Variants in LEKR1 observed in about 807,000 individuals in gnomAD.
The protein encoded by LEKR1 is protein LEKR1.
In LEKR1, 59 loss-of-function variants were observed where a neutral mutation model predicts 72.4. That is an observed-to-expected ratio of 0.82 (90% CI 0.66 to 1.01). The LOEUF (loss-of-function observed/expected upper bound fraction) is 1.01. Among genes scored for constraint, LEKR1 ranks in the 50% least tolerant of loss-of-function variants. The pLI is 0.00. For missense variants in LEKR1, 728 were observed against 759.2 expected (o/e 0.96, Z 0.48); for synonymous variants, 257 against 263.2 (o/e 0.98, Z 0.23).
At chr3:156,862,356 T>C (rs1716870036) in intron 3 of LEKR1, among the ~76,000 whole-genome samples, 1 of 152,114 alleles carries the variant, frequency 6.6e-6, no homozygotes, top group Non-Finnish European at 1.5e-5. Flanking sequence ...ATAATTTTTA[T>C]TGGCATAAAC....
intron 3 of LEKR1, among the ~76,000 whole-genome samples, chr3:156,909,635 G>T (rs188485607): frequency 3.0e-5 from 4 of 131,994 alleles, no homozygotes; most frequent in African/African-American, 1.2e-4. Flanking sequence ...TGGGAGAGGC[G>T]ACAGAGTGAG....
intron 4 of LEKR1, 55 bp from the exon 5 acceptor site, chr3:156,927,374 A>G: frequency 1.4e-6 from 1 of 703,388 alleles, no homozygotes; most frequent in Non-Finnish European, 1.9e-6. Flanking sequence ...TTTTGAAGAA[A>G]TGTTTGTTAT....
chr3:157,020,491 G>A (rs1206998744), intron 10 of LEKR1, among the ~76,000 whole-genome samples: 16 of 132,876 alleles, frequency 1.2e-4, no homozygotes, highest in East Asian at 2.2e-4. Context: ...ATGTGTTCTC[G>A]TTGTTCAATT....
chr3:156,989,637 T>A (rs1730989450), intron 7 of LEKR1, among the ~76,000 whole-genome samples: 1 of 152,228 alleles, frequency 6.6e-6, no homozygotes, highest in East Asian at 1.9e-4. Context: ...CTATTTCTTC[T>A]TTTCTAATGT....
chr3:156,878,161 G>T (rs1336050529), intron 3 of LEKR1, among the ~76,000 whole-genome samples: 1 of 150,266 alleles, frequency 6.7e-6, no homozygotes, highest in African/African-American at 2.4e-5. Context: ...CTTTTTTTCT[G>T]CTGGGTTTGG....
intron 3 of LEKR1, among the ~76,000 whole-genome samples, chr3:156,871,488 G>A (rs1364092766): frequency 3.3e-5 from 5 of 152,110 alleles, no homozygotes; most frequent in African/African-American, 1.2e-4. Flanking sequence ...GGGATGGCTG[G>A]GTCAAATGGT....
At chr3:156,866,489 T>C (rs1303343512) in intron 3 of LEKR1, among the ~76,000 whole-genome samples, 1 of 152,096 alleles carries the variant, frequency 6.6e-6, no homozygotes, top group African/African-American at 2.4e-5. Context: ...TCTTAGTCGT[T>C]GATGATATCT....
intron 6 of LEKR1, among the ~76,000 whole-genome samples, chr3:156,945,927 A>G (rs1489324056): frequency 6.6e-6 from 1 of 151,776 alleles, no homozygotes; most frequent in East Asian, 1.9e-4. Context: ...AGCTTTGACT[A>G]TTCTGGGTCT....
intron 6 of LEKR1, among the ~76,000 whole-genome samples, chr3:156,946,154 T>G (rs1051259522): frequency 1.3e-5 from 2 of 151,482 alleles, no homozygotes; most frequent in African/African-American, 4.8e-5. Flanking sequence ...TGGAGAACTT[T>G]TACTTCTTTG....
chr3:156,833,620 C>G (rs182025254), intron 2 of LEKR1, among the ~76,000 whole-genome samples: 1 of 152,272 alleles, frequency 6.6e-6, no homozygotes, highest in Non-Finnish European at 1.5e-5. Context: ...AGTGCTCACT[C>G]TATGATGTCA....
chr3:156,846,645 T>C (rs1454797163), intron 2 of LEKR1, among the ~76,000 whole-genome samples: 1 of 152,182 alleles, frequency 6.6e-6, no homozygotes. Flanking sequence ...TAAACACTCA[T>C]TGTTTTTGAG....
At chr3:156,897,010 A>G (rs1721257368) in intron 3 of LEKR1, among the ~76,000 whole-genome samples, 1 of 152,168 alleles carries the variant, frequency 6.6e-6, no homozygotes, top group Non-Finnish European at 1.5e-5. Context: ...GTACACATGG[A>G]CACAAAGAAG....
rs1317612074 is a variant in LEKR1 at position 156,826,367 on chromosome 3, C to G, written c.-54C>G. On this transcript the variant is annotated 5_prime_UTR_variant, in exon 1 of 13. Coordinates refer to ENST00000356539, the MANE Select transcript of LEKR1 (RefSeq NM_001004316.3). Reference sequence around the variant, plus strand: ...AAAGCCGTTTCACACCCGTCCTAGTCGAAGTCGAGGTGAGGGACGATGGCT... The same window carrying G: ...AAAGCCGTTTCACACCCGTCCTAGTGGAAGTCGAGGTGAGGGACGATGGCT... 6.5e-6 allele frequency: 1 copy of G among 152,808 alleles called. No homozygotes were observed. Among genetic ancestry groups the G allele is most frequent in the African/African-American group, 2.4e-5 (1 of 41,456 alleles). The allele number at this position is 152,808 out of a possible 1,614,324, so 9.5% of individuals were successfully genotyped here. A position where few individuals can be genotyped will look rare whatever the true frequency, so the allele number is the denominator to read the frequency against.
At chr3:157,002,868 CT>C (rs946932653) in intron 9 of LEKR1, among the ~76,000 whole-genome samples, 7 of 152,120 alleles carry the variant, frequency 4.6e-5, no homozygotes, top group African/African-American at 1.4e-4. Context: ...ATCTACTAGA[CT>C]TTTTAAGTTT....
chr3:157,012,943 A>G (rs781751606), intron 10 of LEKR1, among the ~76,000 whole-genome samples: 4 of 152,082 alleles, frequency 2.6e-5, no homozygotes, highest in South Asian at 2.1e-4. Flanking sequence ...CCTATTTTGT[A>G]TAATCCAAAA....
chr3:156,907,387 C>A (rs1190797904), intron 3 of LEKR1, among the ~76,000 whole-genome samples: 1 of 152,032 alleles, frequency 6.6e-6, no homozygotes. Flanking sequence ...TCTTTCCATG[C>A]TAGGACATAC....
intron 3 of LEKR1, among the ~76,000 whole-genome samples, chr3:156,857,921 A>C (rs1198726531): frequency 6.6e-6 from 1 of 152,218 alleles, no homozygotes; most frequent in Non-Finnish European, 1.5e-5. Context: ...TGTGCACCAG[A>C]CATCTTAAAT....
chr3:156,959,477 G>A (rs555569843), intron 6 of LEKR1, among the ~76,000 whole-genome samples: 1 of 152,064 alleles, frequency 6.6e-6, no homozygotes, highest in Non-Finnish European at 1.5e-5. Flanking sequence ...TCACAATAAG[G>A]CTTCTTTTGT....
chr3:156,979,601 T>C (rs1730000966), intron 7 of LEKR1: 1 of 158,274 alleles, frequency 6.3e-6, no homozygotes, highest in African/African-American at 2.4e-5. Flanking sequence ...GTCTTTGAAC[T>C]TTTTTCTTAT....
Sources: allele counts gnomAD v4.1 joint callset (sites outside exome capture counted in the v4.1 genomes callset), GRCh38; gene constraint gnomAD v4.1.1; transcripts MANE v1.5; gene names NCBI Gene and HGNC (gene_info 2026-07-23, HGNC 2026-07-21).